The following HTR2C variants were observed in gnomAD, a reference collection of about 807,000 sequenced individuals.
The protein encoded by HTR2C is 5-hydroxytryptamine (serotonin) receptor 2C, G protein-coupled.
In HTR2C, 5 loss-of-function variants were observed where a neutral mutation model predicts 21.0. The observed-to-expected ratio is 0.24, with a 90% CI of 0.12 to 0.50. The LOEUF (loss-of-function observed/expected upper bound fraction) is 0.50. Among genes scored for constraint, HTR2C ranks in the 20% least tolerant of loss-of-function variants. HTR2C has a pLI of 0.98. For missense variants in HTR2C, 271 were observed against 371.2 expected (o/e 0.73, Z 2.22); for synonymous variants, 150 against 145.3 (o/e 1.03, Z -0.23).
chrX:114,794,459 T>C (rs1251223632), intron 4 of HTR2C, among the ~76,000 whole-genome samples: 2 of 107,203 alleles, frequency 1.9e-5, no homozygotes, highest in African/African-American at 6.8e-5. Context: ...ATGTGCCATG[T>C]TGTTGTGCTG....
intron 4 of HTR2C, among the ~76,000 whole-genome samples, chrX:114,832,185 C>G (rs1425749538): frequency 4.7e-5 from 1 of 21,262 alleles, no homozygotes. Context: ...GATGCGGGCT[C>G]TTTTTTGGTT....
At chrX:114,806,380 C>A (rs376847991) in intron 4 of HTR2C, among the ~76,000 whole-genome samples, 4 of 13,301 alleles carry the variant, frequency 3.0e-4, no homozygotes, top group East Asian at 0.024. Flanking sequence ...TATATACACA[C>A]CATATATATA....
intron 4 of HTR2C, among the ~76,000 whole-genome samples, chrX:114,764,859 G>A (rs1415834316): frequency 9.6e-6 from 1 of 104,168 alleles, no homozygotes; most frequent in Non-Finnish European, 2.0e-5. Context: ...CTCCTTCATG[G>A]AATCAATCTT....
intron 2 of HTR2C, among the ~76,000 whole-genome samples, chrX:114,719,885 C>A (rs1933128403): frequency 1.8e-5 from 2 of 111,314 alleles, no homozygotes; most frequent in South Asian, 3.8e-4. Context: ...ATTATTGTAT[C>A]AGCTTGTTTT....
chrX:114,782,084 C>A, intron 4 of HTR2C, among the ~76,000 whole-genome samples: 1 of 83,715 alleles, frequency 1.2e-5, no homozygotes, highest in Non-Finnish European at 2.2e-5. Context: ...GACAAAAATG[C>A]ATATTACTCA....
At chrX:114,840,438 G>T (rs782558633) in intron 4 of HTR2C, among the ~76,000 whole-genome samples, 26 of 111,145 alleles carry the variant, frequency 2.3e-4, no homozygotes, top group Non-Finnish European at 4.1e-4. Context: ...AAAAGCCAGT[G>T]CATTTGAAGA....
rs782527452 is a variant in HTR2C, at chrX:114,697,026, G to A, written c.-79-29832G>A. Among the ~76,000 whole-genome samples the A allele has an allele frequency of 8.1e-5, 9 of 111,411 alleles. 1 individual carries two copies. The South Asian group carries it at 2.2e-3, about 28-fold the overall frequency. On this transcript the variant is annotated intron_variant, in intron 2 of 5. Transcript: ENST00000276198. ...AGCCATCAGCTCTTTGCCTTTTCTC[G>A]AATTTAAGATTTTAATTGCCTCAGT...
intron 2 of HTR2C, among the ~76,000 whole-genome samples, chrX:114,701,095 G>A (rs782251831): frequency 1.3e-4 from 15 of 112,386 alleles, no homozygotes; most frequent in Non-Finnish European, 2.4e-4. Flanking sequence ...GCTCAAGGAG[G>A]CCTGCCTGAC....
At chrX:114,672,891 G>C (rs782147272) in intron 2 of HTR2C, among the ~76,000 whole-genome samples, 3 of 112,350 alleles carry the variant, frequency 2.7e-5, no homozygotes, top group African/African-American at 9.7e-5. Context: ...AAACAGCACA[G>C]CTATGAAGTG....
chrX:114,812,300 T>C (rs1238044442), intron 4 of HTR2C, among the ~76,000 whole-genome samples: 7 of 111,633 alleles, frequency 6.3e-5, no homozygotes, highest in Non-Finnish European at 9.4e-5. Context: ...AACTCTGTGG[T>C]TACCCCCAAC....
At chrX:114,776,085 AG>A in intron 4 of HTR2C, 1 of 467,056 alleles carries the variant, frequency 2.1e-6, no homozygotes, top group East Asian at 3.5e-5. Context: ...CGGTTGTCAA[AG>A]TCTTCTTCAC....
At chrX:114,884,461 G>A (rs1207885838) in intron 5 of HTR2C, among the ~76,000 whole-genome samples, 4 of 110,773 alleles carry the variant, frequency 3.6e-5, no homozygotes, top group African/African-American at 9.8e-5. Flanking sequence ...TCAATGGTAA[G>A]GAAACAAATA....
intron 4 of HTR2C, among the ~76,000 whole-genome samples, chrX:114,833,589 C>A (rs1335757988): frequency 3.7e-5 from 4 of 107,896 alleles, no homozygotes; most frequent in Non-Finnish European, 7.6e-5. Context: ...ATTCTTCTCT[C>A]TTTTTTTCTT....
chrX:114,833,941 C>T (rs1324983232), intron 4 of HTR2C, among the ~76,000 whole-genome samples: 1 of 109,032 alleles, frequency 9.2e-6, no homozygotes, highest in Non-Finnish European at 1.9e-5. Context: ...TTTATTTCTG[C>T]CTTCATTTTG....
chrX:114,863,475 C>T (rs1428824879), intron 5 of HTR2C, among the ~76,000 whole-genome samples: 3 of 111,284 alleles, frequency 2.7e-5, no homozygotes, highest in East Asian at 2.8e-4. Context: ...TTTCTCGTTT[C>T]GTGTTATTGT....
At chrX:114,833,808 G>A (rs782489995) in intron 4 of HTR2C, among the ~76,000 whole-genome samples, 1 of 110,338 alleles carries the variant, frequency 9.1e-6, no homozygotes, top group Non-Finnish European at 1.9e-5. Flanking sequence ...GTCAATTTTG[G>A]ATCTTTCCTG....
chrX:114,900,282 CA>C, intron 5 of HTR2C: 1 of 157,292 alleles, frequency 6.4e-6, no homozygotes, highest in Non-Finnish European at 1.3e-5. Context: ...CTAATTGAAA[CA>C]AACAGTTCTG....
At chrX:114,590,904 G>T (rs1556390944) in intron 1 of HTR2C, among the ~76,000 whole-genome samples, 2 of 111,277 alleles carry the variant, frequency 1.8e-5, no homozygotes, top group Non-Finnish European at 3.8e-5. Flanking sequence ...CCCATTTTGC[G>T]GTATGGGTTG....
At position 114,806,375 on chromosome X, in the gene HTR2C, A is replaced by G. The variant is rs1374049149; in HGVS notation, c.350-41628A>G. 1.2e-3 allele frequency among the ~76,000 whole-genome samples: 38 copies of G among 32,841 alleles called. 1 individual carries two copies. The highest frequency in any genetic ancestry group is 3.8e-3 in the African/African-American group (36 of 9,489). The allele number at this position is 32,841 out of a possible 115,157, so 28.5% of individuals were successfully genotyped here. On this transcript the variant is annotated intron_variant, in intron 4 of 5. Coordinates refer to ENST00000276198, the MANE Select transcript of HTR2C (RefSeq NM_000868.4). Reference sequence around the variant, plus strand: ...CACACCATATATATACCGTATATATACACACCATATATATATACTGTATAT... The same window carrying G: ...CACACCATATATATACCGTATATATGCACACCATATATATATACTGTATAT...
Sources: allele counts gnomAD v4.1 joint callset (sites outside exome capture counted in the v4.1 genomes callset), GRCh38; gene constraint gnomAD v4.1.1; transcripts MANE v1.5; gene names NCBI Gene and HGNC (gene_info 2026-07-23, HGNC 2026-07-21).